Variants in LPP observed in about 807,000 individuals in gnomAD.
LPP encodes the protein lipoma-preferred partner.
A neutral mutation model predicts 60.4 loss-of-function variants in LPP; 38 were observed. That is an observed-to-expected ratio of 0.63 (90% CI 0.49 to 0.83). The LOEUF (loss-of-function observed/expected upper bound fraction) is 0.83, where lower values mean the gene tolerates loss of function less well. Ranked by LOEUF, LPP falls within the 40% of genes least tolerant of loss-of-function variation. The pLI, the probability that LPP is intolerant of heterozygous loss-of-function variation, is 0.00. For synonymous variants in LPP, 328 were observed against 290.8 expected (o/e 1.13, Z -1.30); for missense variants, 902 against 783.6 (o/e 1.15, Z -1.80).
At chr3:188,282,416 T>A (rs1000598996) in intron 2 of LPP, among the ~76,000 whole-genome samples, 1 of 152,166 alleles carries the variant, frequency 6.6e-6, no homozygotes, top group African/African-American at 2.4e-5. Context: ...TAGTTCCTTG[T>A]CTGGAATGCA....
chr3:188,857,531 T>G (rs1340964769), intron 9 of LPP, among the ~76,000 whole-genome samples: 3 of 152,196 alleles, frequency 2.0e-5, no homozygotes, highest in East Asian at 1.9e-4. Flanking sequence ...TTTAGTAAAC[T>G]TTAAGGATTG....
chr3:188,665,180 T>A (rs1219961952), intron 7 of LPP, among the ~76,000 whole-genome samples: 1 of 152,178 alleles, frequency 6.6e-6, no homozygotes, highest in Non-Finnish European at 1.5e-5. Flanking sequence ...ATAATGAAAT[T>A]GAATGTTGGT....
intron 8 of LPP, among the ~76,000 whole-genome samples, chr3:188,713,616 G>T (rs997959211): frequency 6.6e-6 from 1 of 152,104 alleles, no homozygotes; most frequent in African/African-American, 2.4e-5. Flanking sequence ...TAGAGAGAGA[G>T]AGACAGAAAG....
upstream of LPP, chr3:188,153,527 G>C (rs1715116186): frequency 6.6e-6 from 1 of 152,394 alleles, no homozygotes; most frequent in Non-Finnish European, 1.5e-5. Context: ...TGACGCGGCC[G>C]CTTCCTCCTA....
intron 7 of LPP, 89 bp from the exon 8 acceptor site, chr3:188,708,178 C>A: frequency 1.4e-6 from 2 of 1,475,490 alleles, no homozygotes; most frequent in Non-Finnish European, 1.8e-6. Context: ...GCTTTTTCCT[C>A]TCCAGTGCAA....
chr3:188,657,037 A>G (rs1853372279), intron 7 of LPP, among the ~76,000 whole-genome samples: 1 of 151,932 alleles, frequency 6.6e-6, no homozygotes, highest in Non-Finnish European at 1.5e-5. Flanking sequence ...TTTGATCCCT[A>G]CTTTCTCACA....
chr3:188,744,114 A>G (rs930458757), intron 8 of LPP, among the ~76,000 whole-genome samples: 32 of 152,162 alleles, frequency 2.1e-4, no homozygotes, highest in African/African-American at 7.7e-4. Flanking sequence ...ACTTCCATAT[A>G]GTCATACATA....
chr3:188,543,048 C>T (rs1271342432), intron 6 of LPP, among the ~76,000 whole-genome samples: 1 of 152,142 alleles, frequency 6.6e-6, no homozygotes, highest in Admixed American at 6.6e-5. Flanking sequence ...CTTTGCAATT[C>T]AGCCTGTTGC....
At chr3:188,632,589 C>T (rs192084191) in intron 7 of LPP, among the ~76,000 whole-genome samples, 15 of 152,342 alleles carry the variant, frequency 9.8e-5, no homozygotes, top group Non-Finnish European at 1.3e-4. Flanking sequence ...TGTCCTCTCT[C>T]AGCTGAAGCT....
At chr3:188,432,754 A>G (rs1791234100) in intron 4 of LPP, among the ~76,000 whole-genome samples, 1 of 152,212 alleles carries the variant, frequency 6.6e-6, no homozygotes. Flanking sequence ...TTGTTGCTTA[A>G]ATTTCTAGTC....
At chr3:188,843,680 G>A (rs998342728) in intron 9 of LPP, among the ~76,000 whole-genome samples, 5 of 144,216 alleles carry the variant, frequency 3.5e-5, no homozygotes, top group African/African-American at 1.1e-4. Flanking sequence ...CCAGCTACTC[G>A]GGAGGCTGAG....
chr3:188,567,129 T>C (rs116651737), intron 6 of LPP, among the ~76,000 whole-genome samples: 1,719 of 152,050 alleles, frequency 0.011, 31 homozygotes, highest in African/African-American at 0.039. Flanking sequence ...TTCAATTGTA[T>C]GATTTAGAGA....
At chr3:188,240,436 T>C (rs1560144907) in intron 2 of LPP, among the ~76,000 whole-genome samples, 1 of 151,160 alleles carries the variant, frequency 6.6e-6, no homozygotes, top group East Asian at 2.0e-4. Context: ...AGAGGTCAGA[T>C]TGTTTGACAG....
intron 4 of LPP, among the ~76,000 whole-genome samples, chr3:188,451,516 C>G (rs543988541): frequency 1.3e-5 from 2 of 152,230 alleles, no homozygotes; most frequent in African/African-American, 4.8e-5. Context: ...TTTCTAGGTA[C>G]TTGGGAACAA....
At chr3:188,159,646 C>T (rs1193211683) in intron 1 of LPP, among the ~76,000 whole-genome samples, 1 of 152,164 alleles carries the variant, frequency 6.6e-6, no homozygotes, top group Non-Finnish European at 1.5e-5. Context: ...ACTGCAGCCA[C>T]AGGATAGCAA....
chr3:188,622,422 TGGGACATA>T (rs1845971795), intron 7 of LPP, among the ~76,000 whole-genome samples: 2 of 152,206 alleles, frequency 1.3e-5, no homozygotes, highest in African/African-American at 4.8e-5. Flanking sequence ...TCTGTCTAGT[TGGGACATA>T]TGTCATTTAG....
intron 9 of LPP, among the ~76,000 whole-genome samples, chr3:188,801,474 G>A (rs1747251204): frequency 6.6e-6 from 1 of 152,062 alleles, no homozygotes; most frequent in Non-Finnish European, 1.5e-5. Flanking sequence ...TATTTATTAG[G>A]TATTTATTAT....
At chr3:188,749,282 C>G (rs1270478344) in intron 8 of LPP, among the ~76,000 whole-genome samples, 1 of 152,180 alleles carries the variant, frequency 6.6e-6, no homozygotes, top group African/African-American at 2.4e-5. Context: ...GAGTGCTACA[C>G]TGAGAGCCCA....
At chr3:188,267,223 C>T (rs1335983557) in intron 2 of LPP, among the ~76,000 whole-genome samples, 1 of 152,150 alleles carries the variant, frequency 6.6e-6, no homozygotes, top group Non-Finnish European at 1.5e-5. Context: ...GATCTCCAGG[C>T]TTTTGAGAGG....
Sources: allele counts gnomAD v4.1 joint callset (sites outside exome capture counted in the v4.1 genomes callset), GRCh38; gene constraint gnomAD v4.1.1; transcripts MANE v1.5; gene names NCBI Gene and HGNC (gene_info 2026-07-23, HGNC 2026-07-21).